Variants in FAM184B observed in about 807,000 individuals in gnomAD.
FAM184B encodes family with sequence similarity 184 member B, also known as protein FAM184B.
A neutral mutation model predicts 135.9 loss-of-function variants in FAM184B; 111 were observed. The ratio of observed to expected loss-of-function variants is 0.82; its 90% CI spans 0.70 to 0.96. The LOEUF is 0.96. Ranked by LOEUF, FAM184B falls within the 40% of genes least tolerant of loss-of-function variation. The pLI, the probability that FAM184B is intolerant of heterozygous loss-of-function variation, is 0.00. For missense variants in FAM184B, 1,375 were observed against 1,323.9 expected, an observed-to-expected ratio of 1.04 and a Z score of -0.60; for synonymous variants, 552 against 524.8, an observed-to-expected ratio of 1.05 and a Z score of -0.71.
At chr4:17,705,591 G>T (rs1453788956) in intron 4 of FAM184B, among the ~76,000 whole-genome samples, 161 bp downstream of exon 4, 1 of 152,198 alleles carries the variant, frequency 6.6e-6, no homozygotes, top group Non-Finnish European at 1.5e-5. Flanking sequence ...CAGTAGCATG[G>T]AGTAGGCAGT....
intron 7 of FAM184B, among the ~76,000 whole-genome samples, chr4:17,669,101 T>C (rs538165810): frequency 3.9e-5 from 6 of 152,352 alleles, no homozygotes; most frequent in South Asian, 4.1e-4. Context: ...CTTTACTCTA[T>C]GTAACTAGAA....
intron 1 of FAM184B, among the ~76,000 whole-genome samples, chr4:17,754,551 C>CA (rs1491283316): frequency 4.5e-4 from 58 of 129,288 alleles, no homozygotes; most frequent in African/African-American, 1.7e-3. Context: ...AACTCTGTCT[C>CA]AGAAAAAAAA....
In FAM184B at chr4:17,648,265, GA is replaced by G. The variant is rs202100246; in HGVS notation, c.2192-475del. Among the ~76,000 whole-genome samples, 383 of 152,246 alleles carry G rather than the reference GA, an allele frequency of 2.5e-3. 3 individuals carry two copies. Among genetic ancestry groups the G allele is most frequent in the African/African-American group, 8.2e-3 (339 of 41,562 alleles). ...GCATCAAGTTAGGAGGCCAGGCAAA[GA>G]ACAGGAAATTATCAAATGACCGAAA... is the stretch of plus-strand genomic sequence containing the variant. On this transcript the variant is annotated intron_variant, in intron 11 of 17. Transcript: ENST00000265018.
At chr4:17,687,034 A>G (rs546957603) in intron 7 of FAM184B, among the ~76,000 whole-genome samples, 1 of 152,330 alleles carries the variant, frequency 6.6e-6, no homozygotes, top group East Asian at 1.9e-4. Context: ...TTAAATCCAC[A>G]GTCACTAGAT....
chr4:17,652,146 T>TTG (rs1553829714), intron 11 of FAM184B, among the ~76,000 whole-genome samples: 15 of 131,914 alleles, frequency 1.1e-4, no homozygotes, highest in Admixed American at 1.7e-4. Flanking sequence ...TTTTTTTTTT[T>TTG]TTGAGTCTTG....
intron 7 of FAM184B, among the ~76,000 whole-genome samples, chr4:17,687,844 C>T (rs62295635): frequency 0.32 from 49,356 of 152,038 alleles, 8,668 homozygotes; most frequent in Non-Finnish European, 0.4. Context: ...AGACCTCTGG[C>T]CTCCAGAACC....
At chr4:17,638,782 G>A (rs1204614046) in intron 14 of FAM184B, among the ~76,000 whole-genome samples, 1 of 146,586 alleles carries the variant, frequency 6.8e-6, no homozygotes, top group Admixed American at 6.6e-5. Context: ...CTGCAGAAAA[G>A]GGGAACATAG....
At chr4:17,721,328 G>T (rs1194155494) in intron 1 of FAM184B, among the ~76,000 whole-genome samples, 1 of 132,544 alleles carries the variant, frequency 7.5e-6, no homozygotes, top group Non-Finnish European at 1.6e-5. Flanking sequence ...AGCTTGCAGT[G>T]AGCCAAAATT....
chr4:17,781,124 C>T lies in FAM184B; in HGVS notation c.141+35G>A. The T allele has an allele frequency of 2.0e-6, 3 of 1,481,652 alleles. No homozygotes were observed. The highest frequency in any genetic ancestry group is 2.7e-6 in the Non-Finnish European group (3 of 1,113,186). 91.8% of individuals were successfully genotyped at this position (1,481,652 alleles called of 1,614,324 possible). On this transcript the variant is annotated intron_variant, in intron 1 of 17. Coordinates refer to ENST00000265018, the MANE Select transcript of FAM184B (RefSeq NM_015688.2). The surrounding 1 kb of genome is among the most constrained non-coding windows in gnomAD (Gnocchi z 6.5). ...TGACTCCCGGCTCGGGCGCCCCGGG[C>T]GTGCAGCTCGCTGGCCCGCTGCGCC...
intron 1 of FAM184B, among the ~76,000 whole-genome samples, chr4:17,752,000 G>A (rs560397671): frequency 4.9e-4 from 75 of 151,846 alleles, no homozygotes; most frequent in African/African-American, 1.7e-3. Flanking sequence ...TGGCTGGGCT[G>A]CTGAGTGGGC....
chr4:17,709,370 T>G lies in FAM184B; in HGVS notation c.416A>C (p.Glu139Ala). Residue 139 changes from glutamate to alanine, a missense_variant, in exon 2 of 18, where the codon GAG becomes GCG. By Grantham distance (107) the Glu-to-Ala change is moderately radical. Coordinates refer to ENST00000265018, the MANE Select transcript of FAM184B (RefSeq NM_015688.2). ...GAGCGTGAGGACTCGCTCGGCGTGC[T>G]CTGCCTCCACCCTCAGCTCTCTCTC... ...TKERELRVEA[E>A]HAERVLTLSR... 1.3e-6 allele frequency: 2 copies of G among 1,542,836 alleles called. No homozygotes were observed. Among genetic ancestry groups the G allele is most frequent in the Non-Finnish European group, 1.8e-6 (2 of 1,141,232 alleles).
intron 7 of FAM184B, among the ~76,000 whole-genome samples, chr4:17,666,489 T>TTTTTC (rs1716053208): frequency 7.3e-6 from 1 of 137,578 alleles, no homozygotes; most frequent in Non-Finnish European, 1.6e-5. Flanking sequence ...TTTTTTTTTT[T>TTTTTC]TTTTTGGTAT....
At chr4:17,686,715 G>A (rs13148861) in intron 7 of FAM184B, among the ~76,000 whole-genome samples, 48,315 of 152,196 alleles carry the variant, frequency 0.32, 8,224 homozygotes, top group South Asian at 0.4. Flanking sequence ...GCCAAGAAAG[G>A]AGGATCACCT....
intron 1 of FAM184B, among the ~76,000 whole-genome samples, chr4:17,724,710 A>G (rs893151236): frequency 2.0e-5 from 3 of 152,204 alleles, no homozygotes; most frequent in African/African-American, 7.2e-5. Context: ...CGCTTGCAGA[A>G]ATGAGCTCCT....
intron 1 of FAM184B, among the ~76,000 whole-genome samples, chr4:17,741,616 C>A (rs1718036806): frequency 6.6e-6 from 1 of 152,164 alleles, no homozygotes; most frequent in African/African-American, 2.4e-5. Flanking sequence ...ATCGATTAAC[C>A]CAGGAGGCGG....
chr4:17,692,803 CCTTTTCCA>C (rs1156935695), intron 6 of FAM184B, among the ~76,000 whole-genome samples: 3 of 152,038 alleles, frequency 2.0e-5, no homozygotes, highest in African/African-American at 7.2e-5. Context: ...CTGTTTCTAG[CCTTTTCCA>C]CTAGTTCTTT....
At chr4:17,665,751 C>T (rs1188939198) in intron 7 of FAM184B, among the ~76,000 whole-genome samples, 1 of 152,144 alleles carries the variant, frequency 6.6e-6, no homozygotes, top group Non-Finnish European at 1.5e-5. Context: ...AAAAGGCCAT[C>T]AATGTCAAGA....
chr4:17,719,595 T>TC (rs1385727245), intron 1 of FAM184B, among the ~76,000 whole-genome samples: 2 of 151,984 alleles, frequency 1.3e-5, no homozygotes, highest in African/African-American at 4.8e-5. Context: ...GCTCCAGTAA[T>TC]CCCCCCTTTT....
At chr4:17,723,711 A>G (rs943053796) in intron 1 of FAM184B, among the ~76,000 whole-genome samples, 1 of 152,204 alleles carries the variant, frequency 6.6e-6, no homozygotes, top group South Asian at 2.1e-4. Context: ...GGAGAAAATG[A>G]TTCCAGAAAT....
Sources: gnomAD v4.1 joint callset for allele counts (sites outside exome capture counted in the v4.1 genomes callset) on GRCh38, gnomAD v4.1.1 for gene constraint, Gnocchi (gnomAD v3.1) non-coding constraint, MANE v1.5 for transcripts, NCBI Gene and HGNC (gene_info 2026-07-23, HGNC 2026-07-21) for gene names.